The following HORMAD2 variants were observed in gnomAD, a reference collection of about 807,000 sequenced individuals.
HORMAD2 encodes HORMA domain containing 2.
Under a neutral mutation model 38.8 loss-of-function variants are expected in HORMAD2, and 45 were observed. The observed-to-expected ratio is 1.16, with a 90% CI of 0.91 to 1.49. HORMAD2 has a LOEUF of 1.49. Among genes scored for constraint, HORMAD2 ranks in the 40% most tolerant of loss-of-function variants. The pLI is 0.00. For missense variants in HORMAD2, 338 were observed against 367.0 expected, an observed-to-expected ratio of 0.92 and a Z score of 0.65; for synonymous variants, 126 against 122.8, an observed-to-expected ratio of 1.03 and a Z score of -0.17.
At chr22:30,129,379 G>T (rs568491326) in intron 10 of HORMAD2, among the ~76,000 whole-genome samples, 4 of 151,946 alleles carry the variant, frequency 2.6e-5, no homozygotes, top group African/African-American at 9.7e-5. Flanking sequence ...GTAATAAAAA[G>T]GTAATACTAG....
chr22:30,104,800 C>G (rs1166052031), intron 5 of HORMAD2, among the ~76,000 whole-genome samples: 2 of 152,160 alleles, frequency 1.3e-5, no homozygotes, highest in African/African-American at 4.8e-5. Context: ...AAAAAATTGA[C>G]TTGAATAATT....
At position 30,092,854 on chromosome 22, in the gene HORMAD2, T is replaced by C. The variant is rs184851369; in HGVS notation, c.-37-1062T>C. Among the ~76,000 whole-genome samples, 72 of 152,324 alleles carry C rather than the reference T, an allele frequency of 4.7e-4. 1 individual carries two copies. The East Asian group carries it at 0.013, about 27-fold the overall frequency. On this transcript the variant is annotated intron_variant, in intron 1 of 10. Coordinates refer to ENST00000336726, the MANE Select transcript of HORMAD2 (RefSeq NM_152510.4). ...TCTGTTCCATTGGTCTATGTATCTCTTTTTATACCAGTGCCATGCTGTTTT... is the reference window on the plus strand; with the variant it reads ...TCTGTTCCATTGGTCTATGTATCTCCTTTTATACCAGTGCCATGCTGTTTT...
At chr22:30,206,121 C>T in the HORMAD2 span, among the ~76,000 whole-genome samples, 1 of 152,114 alleles carries the variant, frequency 6.6e-6, no homozygotes, top group African/African-American at 2.4e-5. Flanking sequence ...ATTCTCACCC[C>T]CCGCCTCCAT....
chr22:30,084,185 C>T (rs1344337371), intron 1 of HORMAD2, among the ~76,000 whole-genome samples: 2 of 152,150 alleles, frequency 1.3e-5, no homozygotes, highest in African/African-American at 2.4e-5. Context: ...AAAGAGCAGA[C>T]ATGTATTGGC....
chr22:30,153,742 T>C (rs1924898826), intron 10 of HORMAD2, among the ~76,000 whole-genome samples: 1 of 152,232 alleles, frequency 6.6e-6, no homozygotes, highest in Non-Finnish European at 1.5e-5. Flanking sequence ...TTTCTCAGTC[T>C]TTCCCATCTC....
chr22:30,113,602 T>C (rs775454981), intron 7 of HORMAD2, among the ~76,000 whole-genome samples: 1 of 152,190 alleles, frequency 6.6e-6, no homozygotes, highest in African/African-American at 2.4e-5. Context: ...TAGTTACTTG[T>C]GCCACTTTGA....
the HORMAD2 span, chr22:30,207,172 G>A: frequency 1.2e-4 from 55 of 453,656 alleles, no homozygotes; most frequent in East Asian, 3.4e-3. Flanking sequence ...GGCTGAATCC[G>A]CAGAGAGGTT....
intron 10 of HORMAD2, among the ~76,000 whole-genome samples, chr22:30,131,722 G>A (rs1291550895): frequency 2.0e-5 from 3 of 152,106 alleles, no homozygotes; most frequent in African/African-American, 7.2e-5. Flanking sequence ...TTTTCTAAGT[G>A]TAATAAAAAT....
At chr22:30,183,154 A>T in the HORMAD2 span, among the ~76,000 whole-genome samples, 2 of 152,254 alleles carry the variant, frequency 1.3e-5, no homozygotes, top group Admixed American at 1.3e-4. Context: ...GGAATTAAAA[A>T]AGAAAGAGCT....
chr22:30,109,230 C>T (rs1035506399), intron 5 of HORMAD2, among the ~76,000 whole-genome samples: 10 of 151,768 alleles, frequency 6.6e-5, no homozygotes, highest in South Asian at 2.1e-4. Flanking sequence ...TTCACCATGT[C>T]GGCCATGCTG....
At chr22:30,102,130 C>A (rs1446195187) in intron 3 of HORMAD2, among the ~76,000 whole-genome samples, 1 of 152,070 alleles carries the variant, frequency 6.6e-6, no homozygotes. Context: ...GCTATAAGCA[C>A]ATAAACATGA....
downstream of HORMAD2, among the ~76,000 whole-genome samples, chr22:30,181,675 A>G (rs1926725006): frequency 1.3e-5 from 2 of 152,250 alleles, no homozygotes; most frequent in African/African-American, 4.8e-5. Flanking sequence ...AAATGCAGGT[A>G]ACCACAGACA....
At chr22:30,172,623 C>T (rs1926179006) in intron 10 of HORMAD2, among the ~76,000 whole-genome samples, 1 of 152,180 alleles carries the variant, frequency 6.6e-6, no homozygotes, top group Non-Finnish European at 1.5e-5. Context: ...CACAGTGGCT[C>T]ATGCCTGTAA....
chr22:30,182,673 C>G, the HORMAD2 span, among the ~76,000 whole-genome samples: 2 of 152,242 alleles, frequency 1.3e-5, no homozygotes, highest in East Asian at 3.9e-4. Context: ...TGTCTGTTGT[C>G]CCAGCTACTC....
the HORMAD2 span, among the ~76,000 whole-genome samples, chr22:30,196,356 C>T: frequency 1.1e-4 from 16 of 152,144 alleles, no homozygotes; most frequent in Admixed American, 1.0e-3. Flanking sequence ...CACTGGCTTC[C>T]TCCTCCCTGG....
At chr22:30,090,642 A>G (rs2146067050) in intron 1 of HORMAD2, among the ~76,000 whole-genome samples, 1 of 152,214 alleles carries the variant, frequency 6.6e-6, no homozygotes, top group Admixed American at 6.5e-5. Context: ...TGGCTGCACC[A>G]TTTTCATTCC....
chr22:30,137,057 A>G (rs1041841690), intron 10 of HORMAD2: 5 of 377,948 alleles, frequency 1.3e-5, no homozygotes, highest in African/African-American at 1.1e-4. Flanking sequence ...CACAAAACAG[A>G]CAAAGTAAAT....
intron 10 of HORMAD2, among the ~76,000 whole-genome samples, chr22:30,143,302 G>T (rs888299800): frequency 6.6e-6 from 1 of 152,148 alleles, no homozygotes; most frequent in African/African-American, 2.4e-5. Flanking sequence ...GAATTATTGT[G>T]TGTGATAATT....
Position 30,102,351 on chromosome 22 carries a change from T to C in HORMAD2, c.194-1086T>C, listed in dbSNP as rs977279660. On this transcript the variant is annotated intron_variant, in intron 3 of 10. Coordinates refer to ENST00000336726, the MANE Select transcript of HORMAD2 (RefSeq NM_152510.4). The stretch of plus-strand genomic sequence containing the variant: ...GCAACGGCAATGATACCATTCCCTA[T>C]AGCTTTATTTTTTGTGACAGTTATT... Among the ~76,000 whole-genome samples, 6 of 152,224 alleles carry C rather than the reference T, an allele frequency of 3.9e-5. No individual in the cohort carries two copies. In the East Asian group the frequency reaches 1.2e-3, roughly 29 times the overall value.
Sources: gnomAD v4.1 joint callset for allele counts (sites outside exome capture counted in the v4.1 genomes callset) on GRCh38, gnomAD v4.1.1 for gene constraint, MANE v1.5 for transcripts, NCBI Gene and HGNC (gene_info 2026-07-23, HGNC 2026-07-21) for gene names.